The following AGBL4 variants were observed in gnomAD, a reference collection of about 807,000 sequenced individuals.
The protein encoded by AGBL4 is cytosolic carboxypeptidase 6.
In AGBL4, 58 loss-of-function variants were observed where a neutral mutation model predicts 66.4. The observed-to-expected ratio is 0.87, with a 90% CI of 0.71 to 1.09. The LOEUF (loss-of-function observed/expected upper bound fraction) is 1.09, where lower values mean the gene tolerates loss of function less well. Ranked by LOEUF, AGBL4 falls within the 50% of genes least tolerant of loss-of-function variation. The pLI is 0.00. For missense variants in AGBL4, 579 were observed against 631.0 expected (o/e 0.92, Z 0.88); for synonymous variants, 234 against 222.9 (o/e 1.05, Z -0.44).
chr1:49,446,952 G>C (rs148726805), intron 3 of AGBL4, among the ~76,000 whole-genome samples: 96 of 152,224 alleles, frequency 6.3e-4, no homozygotes, highest in African/African-American at 2.3e-3. Context: ...GTGAGGCAGG[G>C]ACCCCATCCT....
In AGBL4 at chr1:48,768,494, A is replaced by G. The variant is rs191847709; in HGVS notation, c.634+98697T>C. Among the ~76,000 whole-genome samples, 484 of 152,324 alleles carry G rather than the reference A, an allele frequency of 3.2e-3. 2 individuals are homozygous for G. Among genetic ancestry groups the G allele is most frequent in the African/African-American group, 0.01 (429 of 41,578 alleles). ...ATTCCATTAAACTTACTACTGGGGA[A>G]AAAAGGAAGCATGCTGGTAATAGGC... On this transcript the variant is annotated intron_variant, in intron 6 of 13. Transcript: ENST00000371839.
intron 3 of AGBL4, among the ~76,000 whole-genome samples, chr1:49,555,052 G>C (rs559506041): frequency 2.0e-5 from 3 of 152,302 alleles, no homozygotes; most frequent in Admixed American, 6.5e-5. Flanking sequence ...AAGGGGAACC[G>C]AGTGGGTTGC....
At chr1:48,839,477 A>G (rs776889268) in intron 6 of AGBL4, among the ~76,000 whole-genome samples, 6 of 152,174 alleles carry the variant, frequency 3.9e-5, no homozygotes, top group Non-Finnish European at 7.4e-5. Flanking sequence ...CCAAGTACAG[A>G]AAGACAAATG....
chr1:48,762,116 T>C (rs1173565730), intron 6 of AGBL4, among the ~76,000 whole-genome samples: 1 of 152,172 alleles, frequency 6.6e-6, no homozygotes, highest in Admixed American at 6.5e-5. Context: ...CATGAGGAAA[T>C]TCAAACCCAG....
At chr1:48,976,620 G>T (rs982036862) in intron 5 of AGBL4, among the ~76,000 whole-genome samples, 7 of 152,192 alleles carry the variant, frequency 4.6e-5, no homozygotes, top group Non-Finnish European at 8.8e-5. Flanking sequence ...TCATTTTGCT[G>T]CAAAGACATA....
At chr1:49,547,914 C>G (rs896372147) in intron 3 of AGBL4, among the ~76,000 whole-genome samples, 2 of 152,086 alleles carry the variant, frequency 1.3e-5, no homozygotes, top group Admixed American at 6.5e-5. Context: ...GCTGGGATTA[C>G]AGGCGTGCAC....
At chr1:49,294,281 T>G (rs758946769) in intron 3 of AGBL4, among the ~76,000 whole-genome samples, 6 of 152,240 alleles carry the variant, frequency 3.9e-5, no homozygotes, top group Non-Finnish European at 7.3e-5. Context: ...GTTTGGTTTT[T>G]GGAAACTTCA....
chr1:49,577,619 G>T (rs1469878996), intron 3 of AGBL4, among the ~76,000 whole-genome samples: 1 of 152,170 alleles, frequency 6.6e-6, no homozygotes, highest in Non-Finnish European at 1.5e-5. Context: ...ACCATCCATG[G>T]ACTCAAGGAA....
chr1:48,579,894 G>A (rs1263568082), intron 11 of AGBL4, among the ~76,000 whole-genome samples: 1 of 147,744 alleles, frequency 6.8e-6, no homozygotes, highest in African/African-American at 2.5e-5. Context: ...CTCCAGCCTG[G>A]GCGAAAGTGA....
chr1:49,257,071 A>C (rs1168606748), intron 3 of AGBL4, among the ~76,000 whole-genome samples: 1 of 152,094 alleles, frequency 6.6e-6, no homozygotes, highest in Non-Finnish European at 1.5e-5. Context: ...CAGAAGCATT[A>C]ATTATGAAGG....
chr1:49,584,105 C>T (rs1224712347), intron 3 of AGBL4, among the ~76,000 whole-genome samples: 1 of 152,060 alleles, frequency 6.6e-6, no homozygotes, highest in East Asian at 1.9e-4. Flanking sequence ...GGTAGGAGAC[C>T]CATGTTTGAA....
At chr1:48,742,525 C>G (rs1650073893) in intron 6 of AGBL4, 98 of 1,256,152 alleles carry the variant, frequency 7.8e-5, no homozygotes, top group Non-Finnish European at 9.9e-5. Flanking sequence ...GGAGGCCAAC[C>G]AGTCAAGCTG....
intron 2 of AGBL4, among the ~76,000 whole-genome samples, chr1:49,810,052 C>T (rs1645063059): frequency 1.3e-5 from 2 of 152,080 alleles, no homozygotes; most frequent in African/African-American, 4.8e-5. Flanking sequence ...CAATATAAAC[C>T]TATTTTGTTC....
chr1:48,614,056 A>G (rs983347304), intron 9 of AGBL4, among the ~76,000 whole-genome samples: 1 of 152,228 alleles, frequency 6.6e-6, no homozygotes, highest in Non-Finnish European at 1.5e-5. Flanking sequence ...ACCAGGTGTC[A>G]AAGGTTTAGA....
chr1:48,911,340 G>A (rs577439391), intron 5 of AGBL4, among the ~76,000 whole-genome samples: 2 of 152,166 alleles, frequency 1.3e-5, no homozygotes, highest in East Asian at 1.9e-4. Context: ...GGACCTGGCC[G>A]GGCGTGGTGG....
At chr1:49,075,852 G>T (rs1173472962) in intron 4 of AGBL4, among the ~76,000 whole-genome samples, 1 of 152,084 alleles carries the variant, frequency 6.6e-6, no homozygotes, top group African/African-American at 2.4e-5. Flanking sequence ...GTAGCTCAAG[G>T]CATAATCCTG....
At chr1:49,541,926 C>G (rs2090080515) in intron 3 of AGBL4, among the ~76,000 whole-genome samples, 1 of 151,934 alleles carries the variant, frequency 6.6e-6, no homozygotes, top group African/African-American at 2.4e-5. Flanking sequence ...CTTGGAGAAC[C>G]TTTACGTCTA....
At chr1:49,371,228 T>TATAGATAGATAGATAG (rs71307608) in intron 3 of AGBL4, among the ~76,000 whole-genome samples, 3 of 146,978 alleles carry the variant, frequency 2.0e-5, no homozygotes, top group East Asian at 2.0e-4. Context: ...TAGATAGATA[T>TATAGATAGATAGATAG]ATAGATAGAT....
intron 3 of AGBL4, among the ~76,000 whole-genome samples, chr1:49,546,413 T>C (rs1269328437): frequency 6.6e-6 from 1 of 151,922 alleles, no homozygotes; most frequent in Non-Finnish European, 1.5e-5. Flanking sequence ...CAATTGTCGA[T>C]TGGTGGGCAT....
Sources: gnomAD v4.1 joint callset for allele counts (sites outside exome capture counted in the v4.1 genomes callset) on GRCh38, gnomAD v4.1.1 for gene constraint, MANE v1.5 for transcripts, NCBI Gene and HGNC (gene_info 2026-07-23, HGNC 2026-07-21) for gene names.